Variants in SLC38A8 observed in about 807,000 individuals in gnomAD.
The protein encoded by SLC38A8 is solute carrier family 38 member 8, also known as amino acid transporter SLC38A8.
In SLC38A8, 65 loss-of-function variants were observed where a neutral mutation model predicts 46.0. The observed-to-expected ratio is 1.41, with a 90% confidence interval of 1.16 to 1.74. SLC38A8 has a LOEUF of 1.74. Ranked by LOEUF, SLC38A8 falls within the 40% of genes most tolerant of loss-of-function variation. The pLI, the probability that SLC38A8 is intolerant of heterozygous loss-of-function variation, is 0.00. For missense variants in SLC38A8, 998 were observed against 567.9 expected (o/e 1.76, Z -7.70); for synonymous variants, 447 against 243.7 (o/e 1.83, Z -7.77).
At position 84,027,831 on chromosome 16, in the gene SLC38A8, C is replaced by T. The variant is rs542013244; in HGVS notation, c.690+1663G>A. ...CTTGCAAGCATCGGGGAGGCGGCCC[C>T]GGCGTAGGTCTGCTGCACCATATGG... On this transcript the variant is annotated intron_variant, in intron 6 of 10. Transcript: ENST00000299709. Among the ~76,000 whole-genome samples the T allele has an allele frequency of 8.3e-3, 1,258 of 152,276 alleles. 10 individuals are homozygous for T. The highest frequency in any genetic ancestry group is 0.012 in the Non-Finnish European group (802 of 68,022).
At chr16:84,023,018 T>G (rs985302308) in intron 6 of SLC38A8, 129 bp from the exon 7 acceptor site, 1 of 629,070 alleles carries the variant, frequency 1.6e-6, no homozygotes. Flanking sequence ...GCCTGATCAA[T>G]CCTTTATTCT....
At chr16:84,032,346 G>A (rs1365704662) in intron 4 of SLC38A8, among the ~76,000 whole-genome samples, 2 of 152,090 alleles carry the variant, frequency 1.3e-5, no homozygotes, top group East Asian at 3.8e-4. Context: ...CCGCCCCCAC[G>A]CCTCGCTAAT....
chr16:84,030,340 G>C (rs1439183624), intron 5 of SLC38A8, among the ~76,000 whole-genome samples: 2 of 152,108 alleles, frequency 1.3e-5, no homozygotes, highest in Non-Finnish European at 2.9e-5. Context: ...ATCACCTCCT[G>C]TTTTTACCAG....
chr16:84,010,315 CCCT>C (rs1302341572), intron 10 of SLC38A8, among the ~76,000 whole-genome samples: 1 of 152,036 alleles, frequency 6.6e-6, no homozygotes, highest in Non-Finnish European at 1.5e-5. Context: ...AAGTGATTCG[CCCT>C]CCTCAGCTTC....
chr16:84,030,600 C>A (rs1282780542), intron 5 of SLC38A8, among the ~76,000 whole-genome samples: 4 of 152,138 alleles, frequency 2.6e-5, no homozygotes, highest in African/African-American at 9.7e-5. Context: ...CCGCCCTGCT[C>A]AGTCCTCTCT....
At chr16:84,031,659 C>T (rs76967104) in intron 5 of SLC38A8, among the ~76,000 whole-genome samples, 1 of 152,354 alleles carries the variant, frequency 6.6e-6, no homozygotes, top group East Asian at 1.9e-4. Flanking sequence ...TGGCCTGTCC[C>T]GGTCATCGCT....
chr16:84,023,659 C>T (rs1423745238), intron 6 of SLC38A8, among the ~76,000 whole-genome samples: 10 of 152,114 alleles, frequency 6.6e-5, no homozygotes, highest in Admixed American at 1.3e-4. Context: ...TTTGGGAGGC[C>T]GAAGGGGGCA....
At position 84,023,616 on chromosome 16, in the gene SLC38A8, G is replaced by A. The variant is rs140009015; in HGVS notation, c.691-727C>T. Among the ~76,000 whole-genome samples the A allele has an allele frequency of 5.4e-3, 815 of 152,284 alleles. 3 individuals carry two copies. The highest frequency in any genetic ancestry group is 0.02 in the Middle Eastern group (6 of 294). ...CACCACAGGAAGCCACATAGGTGCC[G>A]GGCACGCTGGCTCGCACCTGTCACC... On this transcript the variant is annotated intron_variant, in intron 6 of 10. Coordinates refer to ENST00000299709, the MANE Select transcript of SLC38A8 (RefSeq NM_001080442.3).
chr16:84,010,389 C>T (rs1031680574), intron 10 of SLC38A8, among the ~76,000 whole-genome samples: 2 of 151,970 alleles, frequency 1.3e-5, no homozygotes, highest in African/African-American at 4.8e-5. Flanking sequence ...TTTTTAAAAG[C>T]CCTCCGATCC....
At position 84,041,951 on chromosome 16, in the gene SLC38A8, C is replaced by A; in HGVS notation, c.189+18G>T. On this transcript the variant is annotated intron_variant, in intron 2 of 10. Coordinates refer to ENST00000299709, the MANE Select transcript of SLC38A8 (RefSeq NM_001080442.3). ...CCACCTCGTACCCGTCCCCAGGACTCACTTCCCGGGGACTTACCAGCTCCA... is the reference window on the plus strand; with the variant it reads ...CCACCTCGTACCCGTCCCCAGGACTAACTTCCCGGGGACTTACCAGCTCCA... 6.4e-7 allele frequency: 1 copy of A among 1,557,418 alleles called. No homozygotes were observed.
rs142779989 is a variant in SLC38A8, at chr16:84,036,817, C to G, written c.273G>C (p.Val91=). The G allele has an allele frequency of 1.9e-6, 3 of 1,613,956 alleles. No homozygotes were observed. Among genetic ancestry groups the G allele is most frequent in the Non-Finnish European group, 2.5e-6 (3 of 1,180,020 alleles). Reference sequence around the variant, plus strand: ...TGGCAGGGCCACACAGCCCCCTGACCACACCCTGGTAGGTGGCCTGGCCAC... The same window carrying G: ...TGGCAGGGCCACACAGCCCCCTGACGACACCCTGGTAGGTGGCCTGGCCAC... The part of the protein sequence containing the change: ...AVSGQATYQG[V]VRGLCGPAIG... The change falls in exon 3 of 11, where the codon GTG becomes GTC. Residue 91 remains valine (V), a synonymous_variant. Coordinates refer to ENST00000299709, the MANE Select transcript of SLC38A8 (RefSeq NM_001080442.3).
chr16:84,016,787 C>A (rs1015028825), intron 8 of SLC38A8, 60 bp from the exon 9 acceptor site: 12 of 1,544,118 alleles, frequency 7.8e-6, no homozygotes, highest in South Asian at 1.2e-5. Flanking sequence ...CTCCACCCGA[C>A]AGCTGCTCCC....
At chr16:84,031,253 T>C (rs1031908723) in intron 5 of SLC38A8, among the ~76,000 whole-genome samples, 3 of 152,014 alleles carry the variant, frequency 2.0e-5, no homozygotes, top group Non-Finnish European at 4.4e-5. Context: ...GTTGGCAAGG[T>C]TGGTTTTGAA....
intron 1 of SLC38A8, 24 bp from the exon 2 acceptor site, chr16:84,042,183 A>G (rs1448661879): frequency 6.3e-7 from 1 of 1,589,316 alleles, no homozygotes; most frequent in African/African-American, 1.4e-5. Flanking sequence ...AGGGGTGGAG[A>G]GAAAGCACAG....
At chr16:84,034,314 G>A (rs558146425) in intron 3 of SLC38A8, among the ~76,000 whole-genome samples, 1 of 152,212 alleles carries the variant, frequency 6.6e-6, no homozygotes, top group South Asian at 2.1e-4. Flanking sequence ...TAATTCAAAG[G>A]CAAGGGACAC....
chr16:84,014,482 C>T (rs1054534240), intron 9 of SLC38A8, among the ~76,000 whole-genome samples: 8 of 151,856 alleles, frequency 5.3e-5, no homozygotes, highest in African/African-American at 1.9e-4. Flanking sequence ...AGCTGTATAG[C>T]CACACCCTCA....
At chr16:84,016,080 G>C (rs557076468) in intron 9 of SLC38A8, among the ~76,000 whole-genome samples, 5 of 150,152 alleles carry the variant, frequency 3.3e-5, no homozygotes, top group Non-Finnish European at 7.4e-5. Flanking sequence ...AAGGAGCAAA[G>C]TCACGTCTTA....
intron 6 of SLC38A8, among the ~76,000 whole-genome samples, chr16:84,024,802 G>A (rs566884607): frequency 5.3e-5 from 8 of 152,248 alleles, no homozygotes; most frequent in African/African-American, 1.7e-4. Flanking sequence ...CGACTCTCCT[G>A]CCTCAGCCTT....
chr16:84,024,066 G>T (rs2085129958), intron 6 of SLC38A8, among the ~76,000 whole-genome samples: 1 of 152,208 alleles, frequency 6.6e-6, no homozygotes, highest in Non-Finnish European at 1.5e-5. Flanking sequence ...GTTGTGCAGT[G>T]TCCCTGGCCG....
Sources: gnomAD v4.1 joint callset for allele counts (sites outside exome capture counted in the v4.1 genomes callset) on GRCh38, gnomAD v4.1.1 for gene constraint, MANE v1.5 for transcripts, NCBI Gene and HGNC (gene_info 2026-07-23, HGNC 2026-07-21) for gene names.